The following DUX4 variants were observed in gnomAD, a reference collection of about 807,000 sequenced individuals.
DUX4 encodes the protein double homeobox protein 4.
intron 1 of DUX4, among the ~76,000 whole-genome samples, chr4:190,181,356 TGCCCTCTGTAGGCAGAGCCTAAACAAG>T (rs1742566735): frequency 2.5e-3 from 1 of 402 alleles, no homozygotes; most frequent in Non-Finnish European, 5.2e-3. Context: ...TATGCCACAA[TGCCCTCTGTAGGCAGAGCCTAAACAAG>T]AGTTACATCA....
At chr4:190,181,177 A>ACATCACGTAGGT (rs1742550324) in intron 1 of DUX4, among the ~76,000 whole-genome samples, 53 of 146,298 alleles carry the variant, frequency 3.6e-4, no homozygotes, top group East Asian at 8.1e-4. Context: ...AGCTTAGACT[A>ACATCACGTAGGT]GAGTTACATC....
downstream of DUX4, among the ~76,000 whole-genome samples, chr4:190,176,181 C>G (rs1742296126): frequency 1.8e-5 from 2 of 112,334 alleles, 1 homozygote; most frequent in East Asian, 6.5e-4. Flanking sequence ...TAAGCCAAAC[C>G]TTGACAAGGG....
At chr4:190,182,092 A>C (rs1179431746) in intron 1 of DUX4, 1 of 119,956 alleles carries the variant, frequency 8.3e-6, no homozygotes, top group South Asian at 2.9e-4. Flanking sequence ...ATCAGTGTAG[A>C]GATATGTCAC....
downstream of DUX4, among the ~76,000 whole-genome samples, chr4:190,178,031 A>ATTG (rs1742400664): frequency 9.2e-6 from 1 of 108,498 alleles, no homozygotes; most frequent in East Asian, 3.2e-4. Context: ...CAGATCCCAG[A>ATTG]CAAGAGTTGC....
downstream of DUX4, among the ~76,000 whole-genome samples, chr4:190,178,868 C>G (rs1742458176): frequency 7.5e-5 from 11 of 146,952 alleles, no homozygotes; most frequent in African/African-American, 9.9e-5. Flanking sequence ...GTTACATCAC[C>G]TGGGTGATCA....
At chr4:190,179,302 A>AAAATGC (rs1742485960), downstream of DUX4, among the ~76,000 whole-genome samples, 1 of 5,486 alleles carries the variant, frequency 1.8e-4, no homozygotes, top group Admixed American at 1.7e-3. Context: ...GAGATATGTC[A>AAAATGC]CAATGCCACT....
rs1742639304 is a variant in DUX4 at position 190,184,089 on chromosome 4, G to T, written n.93-1252G>T. Among the ~76,000 whole-genome samples, 2 of 131,050 alleles carry T rather than the reference G, an allele frequency of 1.5e-5. 1 individual carries two copies. The highest frequency in any genetic ancestry group is 3.5e-5 in the Non-Finnish European group (2 of 56,536). The allele number at this position is 131,050 out of a possible 152,430, so 86.0% of individuals were successfully genotyped here. On this transcript the variant is annotated intron_variant and non_coding_transcript_variant, in intron 1 of 2. Transcript: ENST00000563716. ...GCTTCATCTTAAAGAATGAAGAAGGGATTTGTCATGAGAGATGTGGCAGGA... is the reference window on the plus strand; with the variant it reads ...GCTTCATCTTAAAGAATGAAGAAGGTATTTGTCATGAGAGATGTGGCAGGA...
chr4:190,176,148 A>G (rs1168234824), downstream of DUX4, among the ~76,000 whole-genome samples: 3 of 113,242 alleles, frequency 2.6e-5, no homozygotes, highest in East Asian at 3.2e-4. Flanking sequence ...TGATCAGTGC[A>G]GAGATATCTC....
chr4:190,175,979 A>T (rs1207601477), downstream of DUX4: 3 of 109,900 alleles, frequency 2.7e-5, 1 homozygote, highest in African/African-American at 2.6e-5. Flanking sequence ...GACTGAACCT[A>T]GAGAATGGTT....
downstream of DUX4, among the ~76,000 whole-genome samples, chr4:190,177,726 T>TGCC (rs1742382427): frequency 7.3e-6 from 1 of 137,366 alleles, no homozygotes. Context: ...TGCAGAGATA[T>TGCC]ATCACAATGC....
At chr4:190,176,195 C>T (rs1331325113), downstream of DUX4, among the ~76,000 whole-genome samples, 5 of 113,258 alleles carry the variant, frequency 4.4e-5, 1 homozygote, top group Non-Finnish European at 1.0e-4. Context: ...ACAAGGGTTA[C>T]ATCACCTGTT....
chr4:190,178,885 A>AGATTTC (rs1415331305), downstream of DUX4, among the ~76,000 whole-genome samples: 5 of 99,550 alleles, frequency 5.0e-5, no homozygotes, highest in Admixed American at 1.1e-4. Context: ...ATCAGTGCAG[A>AGATTTC]TCTATGTCAC....
chr4:190,181,713 T>A (rs1742591259), intron 1 of DUX4, among the ~76,000 whole-genome samples: 1 of 149,316 alleles, frequency 6.7e-6, no homozygotes, highest in African/African-American at 2.4e-5. Context: ...CATAGGCAGA[T>A]CCAACACAAG....
At chr4:190,177,586 AGT>A (rs1742376390), downstream of DUX4, among the ~76,000 whole-genome samples, 1 of 148,386 alleles carries the variant, frequency 6.7e-6, no homozygotes, top group Non-Finnish European at 1.5e-5. Context: ...ATCATTGCAG[AGT>A]TATGTCACTA....
chr4:190,181,272 A>G (rs1742560087), intron 1 of DUX4, among the ~76,000 whole-genome samples: 1 of 152,140 alleles, frequency 6.6e-6, no homozygotes, highest in African/African-American at 2.4e-5. Flanking sequence ...TGATCAGTGC[A>G]GAAATATGTG....
downstream of DUX4, among the ~76,000 whole-genome samples, chr4:190,178,081 C>CT (rs1274010430): frequency 4.7e-5 from 1 of 21,218 alleles, no homozygotes; most frequent in Admixed American, 5.5e-4. Context: ...TCACAATGCC[C>CT]CTGTAGGCAG....
chr4:190,176,697 G>T (rs1245293593), downstream of DUX4, among the ~76,000 whole-genome samples: 1 of 113,208 alleles, frequency 8.8e-6, no homozygotes. Context: ...TCAGTTCAGA[G>T]ATGTGTCAGA....
intron 1 of DUX4, among the ~76,000 whole-genome samples, chr4:190,183,758 G>A (rs1461832940): frequency 0.041 from 4,599 of 112,550 alleles, 357 homozygotes; most frequent in East Asian, 0.19. Context: ...ACTTATGAAT[G>A]GCAGAGATCT....
downstream of DUX4, among the ~76,000 whole-genome samples, chr4:190,179,161 C>T (rs1579835148): frequency 1.3e-5 from 2 of 150,870 alleles, no homozygotes; most frequent in African/African-American, 2.4e-5. Context: ...TGCAGAGATA[C>T]ATTGCAATGC....
Sources: gnomAD v4.1 joint callset for allele counts (sites outside exome capture counted in the v4.1 genomes callset) on GRCh38, gnomAD v4.1.1 for gene constraint, MANE v1.5 for transcripts, NCBI Gene and HGNC (gene_info 2026-07-23, HGNC 2026-07-21) for gene names.